Variants in C17orf67 observed in about 807,000 individuals in gnomAD.
The protein encoded by C17orf67 is uncharacterized protein C17orf67.
In C17orf67, 12 loss-of-function variants were observed where a neutral mutation model predicts 11.2. The ratio of observed to expected loss-of-function variants is 1.07; its 90% CI spans 0.68 to 1.73. The LOEUF is 1.73. Among genes scored for constraint, C17orf67 ranks in the 40% most tolerant of loss-of-function variants. C17orf67 has a pLI of 0.00. For missense variants in C17orf67, 115 were observed against 113.5 expected (o/e 1.01, Z -0.06); for synonymous variants, 59 against 46.9 (o/e 1.26, Z -1.05).
At chr17:56,801,593 T>A (rs1421042674) in intron 6 of C17orf67, among the ~76,000 whole-genome samples, 1 of 152,168 alleles carries the variant, frequency 6.6e-6, no homozygotes, top group African/African-American at 2.4e-5. Flanking sequence ...TTCATTTAAC[T>A]CATCAAAATA....
At position 56,795,126 on chromosome 17, in the gene C17orf67, C is replaced by T. The variant is rs1905186278; in HGVS notation, c.211G>A (p.Glu71Lys). 1 of 1,614,060 alleles carries T rather than the reference C, an allele frequency of 6.2e-7. No individual in the cohort carries two copies. Among genetic ancestry groups the T allele is most frequent in the East Asian group, 2.2e-5 (1 of 44,900 alleles). ...LEHRAEEQFLEHWLNPHCKPH... is the reference protein window; with the variant it reads ...LEHRAEEQFLKHWLNPHCKPH... ...TTGCAGTGAGGGTTCAGCCAGTGCT[C>T]CAGGAACTGCTCCTCAGCGCGATGC... Residue 71 changes from glutamate to lysine, a missense_variant, in exon 7 of 8, where the codon GAG (glutamate) becomes AAG (lysine). Transcript: ENST00000397861.
At chr17:56,795,817 G>A (rs1905201774) in intron 6 of C17orf67, among the ~76,000 whole-genome samples, 2 of 152,298 alleles carry the variant, frequency 1.3e-5, no homozygotes, top group South Asian at 4.2e-4. Flanking sequence ...CTATTATACA[G>A]CAGAGAACAT....
chr17:56,829,279 AAAAAT>A (rs937168505), intron 2 of C17orf67, among the ~76,000 whole-genome samples: 32 of 152,314 alleles, frequency 2.1e-4, no homozygotes, highest in African/African-American at 6.3e-4. Flanking sequence ...TCCATTGCAA[AAAAAT>A]AAAATAAAAT....
At chr17:56,820,126 T>C (rs905004827) in intron 4 of C17orf67, among the ~76,000 whole-genome samples, 10 of 152,236 alleles carry the variant, frequency 6.6e-5, no homozygotes, top group Non-Finnish European at 1.5e-4. Context: ...TTAAGCCAAA[T>C]GGTCCAGAAT....
intron 6 of C17orf67, among the ~76,000 whole-genome samples, chr17:56,810,178 T>C (rs1905581734): frequency 9.5e-6 from 1 of 105,228 alleles, no homozygotes; most frequent in Non-Finnish European, 1.9e-5. Flanking sequence ...CACACACTCC[T>C]TGAACACACC....
chr17:56,800,704 G>A (rs1905299177), intron 6 of C17orf67, among the ~76,000 whole-genome samples: 1 of 152,136 alleles, frequency 6.6e-6, no homozygotes, highest in African/African-American at 2.4e-5. Flanking sequence ...CCTCTAGGAA[G>A]CCTTCTCAGA....
intron 6 of C17orf67, among the ~76,000 whole-genome samples, chr17:56,809,889 C>T (rs1184343416): frequency 6.8e-6 from 1 of 146,400 alleles, no homozygotes; most frequent in Non-Finnish European, 1.5e-5. Context: ...CTCTCACACA[C>T]ACCCCTTACA....
intron 5 of C17orf67, among the ~76,000 whole-genome samples, 172 bp downstream of exon 5, chr17:56,815,583 TC>T (rs1293129135): frequency 7.9e-5 from 12 of 151,894 alleles, no homozygotes; most frequent in African/African-American, 2.9e-4. Flanking sequence ...ATATATAACA[TC>T]TTTAATGATA....
chr17:56,802,020 G>C (rs559626527), intron 6 of C17orf67, among the ~76,000 whole-genome samples: 2 of 152,280 alleles, frequency 1.3e-5, no homozygotes, highest in Middle Eastern at 3.4e-3. Flanking sequence ...CTGCAAGATG[G>C]GGATTGCACT....
intron 6 of C17orf67, among the ~76,000 whole-genome samples, chr17:56,808,822 G>A (rs1905519239): frequency 6.6e-6 from 1 of 152,210 alleles, no homozygotes; most frequent in Non-Finnish European, 1.5e-5. Flanking sequence ...ACATGGCTCA[G>A]TAGATCTTCA....
At chr17:56,799,152 C>A (rs1905265484) in intron 6 of C17orf67, among the ~76,000 whole-genome samples, 1 of 152,228 alleles carries the variant, frequency 6.6e-6, no homozygotes, top group African/African-American at 2.4e-5. Flanking sequence ...TGGGGCCGAA[C>A]AAACCACACA....
At chr17:56,809,627 A>C (rs1379379182) in intron 6 of C17orf67, among the ~76,000 whole-genome samples, 8 of 126,386 alleles carry the variant, frequency 6.3e-5, no homozygotes, top group Non-Finnish European at 1.2e-4. Context: ...ACACACACCC[A>C]CACACACACC....
At chr17:56,817,856 A>T (rs1475078481) in intron 4 of C17orf67, among the ~76,000 whole-genome samples, 5 of 149,218 alleles carry the variant, frequency 3.4e-5, no homozygotes, top group African/African-American at 2.5e-5. Flanking sequence ...ATTTTAGAGC[A>T]TTTTTTTTTT....
Position 56,815,927 on chromosome 17 carries a change from G to T in C17orf67, c.-117C>A, listed in dbSNP as rs201696668. Reference sequence around the variant, plus strand: ...TATGCTTTGACTAACGGGACTTACGGTATGATGCTGAATGTATCTGACTCT... The same window carrying T: ...TATGCTTTGACTAACGGGACTTACGTTATGATGCTGAATGTATCTGACTCT... On this transcript the variant is annotated 5_prime_UTR_variant, in exon 5 of 8. Coordinates refer to ENST00000397861, the MANE Select transcript of C17orf67 (RefSeq NM_001085430.4). 1.7e-3 allele frequency: 2,627 copies of T among 1,558,958 alleles called. 4 individuals are homozygous for T. The highest frequency in any genetic ancestry group is 2.1e-3 in the Non-Finnish European group (2,413 of 1,146,690).
chr17:56,820,620 T>C (rs1365619405), intron 4 of C17orf67, among the ~76,000 whole-genome samples: 2 of 152,162 alleles, frequency 1.3e-5, no homozygotes, highest in African/African-American at 4.8e-5. Context: ...CTCATCAACA[T>C]TGTAATGAAA....
rs529637869 is a variant in C17orf67 at position 56,792,132 on chromosome 17, G to A, written c.*241C>T. The A allele has an allele frequency of 1.5e-4, 23 of 152,296 alleles. No individual in the cohort carries two copies. The highest frequency in any genetic ancestry group is 5.5e-4 in the African/African-American group (23 of 41,558). The allele number at this position is 152,296 out of a possible 1,614,324, so 9.4% of individuals were successfully genotyped here. Reference sequence around the variant, plus strand: ...TCCCACTCTTGCAAACTGATGGGAAGACCTTTGGGAGGTGTCTATGCTTTA... The same window carrying A: ...TCCCACTCTTGCAAACTGATGGGAAAACCTTTGGGAGGTGTCTATGCTTTA... On this transcript the variant is annotated 3_prime_UTR_variant, in exon 8 of 8. Coordinates refer to ENST00000397861, the MANE Select transcript of C17orf67 (RefSeq NM_001085430.4).
intron 6 of C17orf67, among the ~76,000 whole-genome samples, chr17:56,811,060 G>A (rs1278859379): frequency 6.6e-6 from 1 of 152,134 alleles, no homozygotes; most frequent in East Asian, 1.9e-4. Context: ...CCCTCCAGGG[G>A]CCTCAGAATA....
chr17:56,830,894 T>G (rs1425254082), intron 2 of C17orf67, among the ~76,000 whole-genome samples: 1 of 151,944 alleles, frequency 6.6e-6, no homozygotes, highest in Admixed American at 6.5e-5. Context: ...AACGAAGACA[T>G]AGGGAAGAAC....
chr17:56,800,275 C>T (rs1038496629), intron 6 of C17orf67, among the ~76,000 whole-genome samples: 1 of 152,124 alleles, frequency 6.6e-6, no homozygotes, highest in Non-Finnish European at 1.5e-5. Flanking sequence ...CCGTGTTAGC[C>T]AGGATGGTCT....
Sources: gnomAD v4.1 joint callset for allele counts (sites outside exome capture counted in the v4.1 genomes callset) on GRCh38, gnomAD v4.1.1 for gene constraint, MANE v1.5 for transcripts, NCBI Gene and HGNC (gene_info 2026-07-23, HGNC 2026-07-21) for gene names.